EPHA5: variants seen among roughly 807,000 people sequenced by gnomAD.
EPHA5 encodes EPH receptor A5, also known as ephrin type-A receptor 5.
In EPHA5, 60 loss-of-function variants were observed where a neutral mutation model predicts 105.0. The observed-to-expected ratio is 0.57, with a 90% CI of 0.46 to 0.71. EPHA5 has a LOEUF of 0.71. Ranked by LOEUF, EPHA5 falls within the 30% of genes least tolerant of loss-of-function variation. The probability of loss-of-function intolerance (pLI) is 0.00; values close to 1 mark genes in which losing one functional copy is unlikely to be tolerated. For missense variants in EPHA5, 1,218 were observed against 1,274.7 expected (o/e 0.96, Z 0.68); for synonymous variants, 513 against 449.1 (o/e 1.14, Z -1.80).
In EPHA5 at chr4:65,657,786, A is replaced by G. The variant is rs1255153037; in HGVS notation, c.181+11776T>C. On this transcript the variant is annotated intron_variant, in intron 1 of 16. Coordinates refer to ENST00000613740, the MANE Select transcript of EPHA5 (RefSeq NM_001281766.3). ...ATTCGTTCACTAAACACAAATGTAT[A>G]GATTATAACATACTTCACTGATATT... 2.0e-5 allele frequency among the ~76,000 whole-genome samples: 3 copies of G among 151,808 alleles called. No individual in the cohort carries two copies. The East Asian group carries it at 5.8e-4, about 29-fold the overall frequency.
intron 5 of EPHA5, among the ~76,000 whole-genome samples, chr4:65,452,341 C>T (rs1727146563): frequency 6.6e-6 from 1 of 151,986 alleles, no homozygotes; most frequent in Non-Finnish European, 1.5e-5. Context: ...ACATGTATAA[C>T]AAATGTGAAA....
At position 65,374,590 on chromosome 4, in the gene EPHA5, C is replaced by T. The variant is rs576239443; in HGVS notation, c.1794-7166G>A. 3.9e-4 allele frequency among the ~76,000 whole-genome samples: 59 copies of T among 151,926 alleles called. 1 individual carries two copies. The South Asian group carries it at 0.011, about 29-fold the overall frequency. ...TGAACGGTTTTGAAACAACGTTCTT[C>T]GGAACGCTAAATTTCCACAAGTTAT... On this transcript the variant is annotated intron_variant, in intron 8 of 16. Transcript: ENST00000613740.
At chr4:65,560,873 C>A (rs565165447) in intron 3 of EPHA5, among the ~76,000 whole-genome samples, 4 of 152,010 alleles carry the variant, frequency 2.6e-5, no homozygotes, top group Middle Eastern at 3.4e-3. Context: ...AAGTAAAATG[C>A]AGTGATTTTG....
At chr4:65,523,166 T>G (rs1162648162) in intron 3 of EPHA5, among the ~76,000 whole-genome samples, 1 of 151,842 alleles carries the variant, frequency 6.6e-6, no homozygotes, top group Non-Finnish European at 1.5e-5. Flanking sequence ...TATTCATATA[T>G]TACATATTTT....
intron 2 of EPHA5, among the ~76,000 whole-genome samples, chr4:65,627,054 G>A (rs564923265): frequency 9.9e-5 from 15 of 152,218 alleles, no homozygotes; most frequent in African/African-American, 2.6e-4. Flanking sequence ...TCCAGTGCAG[G>A]CTAGCTAGTT....
In EPHA5 at chr4:65,669,566, G is replaced by C. The variant is rs55860557; in HGVS notation, c.177C>G (p.Asn59Lys). The C allele has an allele frequency of 7.2e-6, 10 of 1,394,834 alleles. No homozygotes were observed. In the South Asian group the frequency reaches 1.5e-4, roughly 21 times the overall value. The allele number at this position is 1,394,834 out of a possible 1,614,324, so 86.4% of individuals were successfully genotyped here. A position where few individuals can be genotyped will look rare whatever the true frequency, so the allele number is the denominator to read the frequency against. ...TCCCCACCCCCATCTCCCTACCTTC[G>C]TTGCTGGGGCTGGCCAGGAGGGTCC... ...ALRTLLASPS[N>K]EVNLLDSRTV... is the part of the protein sequence containing the mutation. The change falls in exon 1 of 17, where the codon AAC becomes AAG. Residue 59 changes from asparagine (N) to lysine (K), a missense_variant. Physicochemically the swap from Asn to Lys is moderately conservative, Grantham distance 94. Around this residue, in one of 3 missense-constraint regions of EPHA5, gnomAD observed 233 missense variants for 227.5 expected, o/e 1.02. Coordinates refer to ENST00000613740, the MANE Select transcript of EPHA5 (RefSeq NM_001281766.3).
intron 11 of EPHA5, among the ~76,000 whole-genome samples, chr4:65,364,723 G>C (rs1717684983): frequency 6.7e-6 from 1 of 149,796 alleles, no homozygotes; most frequent in African/African-American, 2.4e-5. Context: ...AAAAGTAAAA[G>C]AGCCAATAGT....
intron 8 of EPHA5, among the ~76,000 whole-genome samples, chr4:65,393,860 A>T (rs906140149): frequency 6.6e-6 from 1 of 152,150 alleles, no homozygotes; most frequent in Non-Finnish European, 1.5e-5. Flanking sequence ...GCACATTTTT[A>T]ATAGTCTTAA....
rs779147408 is a variant in EPHA5 at position 65,404,394 on chromosome 4, G to A, written c.1773C>T (p.Ile591=). The A allele has an allele frequency of 9.9e-6, 16 of 1,613,522 alleles. No individual in the cohort carries two copies. The highest frequency in any genetic ancestry group is 2.2e-5 in the East Asian group (1 of 44,800). ...TVGVILLAVV[I]GVLLSGRRCG... is the part of the protein sequence containing the mutation. ...CTTACCTTCCACTGAGGAGGACGCCGATAACCACTGCCAACAAAATGACTC... is the reference window on the plus strand; with the variant it reads ...CTTACCTTCCACTGAGGAGGACGCCAATAACCACTGCCAACAAAATGACTC... The change falls in exon 8 of 17, where the codon ATC becomes ATT. Residue 591 remains isoleucine, a synonymous_variant. Coordinates refer to ENST00000613740, the MANE Select transcript of EPHA5 (RefSeq NM_001281766.3).
intron 2 of EPHA5, among the ~76,000 whole-genome samples, chr4:65,612,981 G>C (rs1424054263): frequency 6.6e-6 from 1 of 151,922 alleles, no homozygotes; most frequent in Non-Finnish European, 1.5e-5. Flanking sequence ...GCTTTCCATG[G>C]TTTTGCTTAG....
chr4:65,361,415 A>T (rs982877570), intron 11 of EPHA5, among the ~76,000 whole-genome samples: 1 of 151,598 alleles, frequency 6.6e-6, no homozygotes, highest in Admixed American at 6.6e-5. Flanking sequence ...TTAAGTATGA[A>T]AGTCTATGCA....
chr4:65,410,790 A>G (rs35562735), intron 7 of EPHA5, among the ~76,000 whole-genome samples: 84,946 of 152,096 alleles, frequency 0.56, 25,518 homozygotes, highest in South Asian at 0.69. Context: ...ACACAATATC[A>G]TTATTTCCTC....
At chr4:65,446,617 T>C (rs1416165403) in intron 5 of EPHA5, among the ~76,000 whole-genome samples, 1 of 152,176 alleles carries the variant, frequency 6.6e-6, no homozygotes, top group Non-Finnish European at 1.5e-5. Flanking sequence ...AGGAAATGAA[T>C]TATAACTTAA....
intron 3 of EPHA5, among the ~76,000 whole-genome samples, chr4:65,560,369 T>G (rs551529243): frequency 6.6e-6 from 1 of 152,078 alleles, no homozygotes; most frequent in African/African-American, 2.4e-5. Context: ...AAAGAATGCA[T>G]AGCCATTGTC....
intron 3 of EPHA5, among the ~76,000 whole-genome samples, chr4:65,591,956 A>T (rs892162749): frequency 1.3e-5 from 2 of 152,092 alleles, no homozygotes; most frequent in African/African-American, 4.8e-5. Flanking sequence ...TAAAAAACTG[A>T]ATTTAGTATT....
chr4:65,515,925 G>T (rs1190689417), intron 3 of EPHA5, among the ~76,000 whole-genome samples: 1 of 152,106 alleles, frequency 6.6e-6, no homozygotes, highest in African/African-American at 2.4e-5. Context: ...TCTTGAACTA[G>T]GACATCCATC....
intron 3 of EPHA5, among the ~76,000 whole-genome samples, chr4:65,545,233 C>A (rs1737261275): frequency 6.6e-6 from 1 of 151,800 alleles, no homozygotes; most frequent in Non-Finnish European, 1.5e-5. Flanking sequence ...TTTTTGCTAT[C>A]TTCCCTTCAC....
chr4:65,483,643 A>G (rs572273757), intron 5 of EPHA5, among the ~76,000 whole-genome samples: 4 of 152,156 alleles, frequency 2.6e-5, no homozygotes, highest in African/African-American at 9.7e-5. Flanking sequence ...ACCAAAAAAA[A>G]TTTGCGTAAG....
At chr4:65,476,725 T>A (rs530022472) in intron 5 of EPHA5, among the ~76,000 whole-genome samples, 2 of 152,280 alleles carry the variant, frequency 1.3e-5, no homozygotes, top group South Asian at 4.1e-4. Context: ...ACTAATTAAT[T>A]AATTTTAAAA....
Sources: allele counts gnomAD v4.1 joint callset (sites outside exome capture counted in the v4.1 genomes callset), GRCh38; gene constraint gnomAD v4.1.1; regional missense constraint gnomAD v4.1.1; transcripts MANE v1.5; gene names NCBI Gene and HGNC (gene_info 2026-07-23, HGNC 2026-07-21).